The following TMTC1 variants were observed in gnomAD, a reference collection of about 807,000 sequenced individuals.
TMTC1 encodes transmembrane O-mannosyltransferase targeting cadherins 1.
In TMTC1, 73 loss-of-function variants were observed where a neutral mutation model predicts 104.8. The ratio of observed to expected loss-of-function variants is 0.70; its 90% CI spans 0.58 to 0.85. TMTC1 has a LOEUF of 0.85. Among genes scored for constraint, TMTC1 ranks in the 40% least tolerant of loss-of-function variants. The pLI is 0.00. For missense variants in TMTC1, 1,035 were observed against 1,096.1 expected, an observed-to-expected ratio of 0.94 and a Z score of 0.79; for synonymous variants, 434 against 428.7, an observed-to-expected ratio of 1.01 and a Z score of -0.15.
chr12:29,541,436 A>G (rs761782886), intron 10 of TMTC1, among the ~76,000 whole-genome samples: 1 of 152,162 alleles, frequency 6.6e-6, no homozygotes, highest in African/African-American at 2.4e-5. Flanking sequence ...GGTACTGTCT[A>G]TGTTTTGGCT....
At chr12:29,660,759 T>C (rs1007184942) in intron 5 of TMTC1, 19 of 731,876 alleles carry the variant, frequency 2.6e-5, no homozygotes, top group Non-Finnish European at 3.5e-5. Flanking sequence ...AAACATTCCT[T>C]ATCAGATATT....
In TMTC1 at chr12:29,644,082, TAAATATAAATATAAATATATAA is replaced by T. The variant is rs2136565527; in HGVS notation, c.939-10768_939-10747del. Among the ~76,000 whole-genome samples the T allele has an allele frequency of 5.0e-5, 2 of 39,784 alleles. 1 individual carries two copies. The highest frequency in any genetic ancestry group is 1.7e-3 in the South Asian group (2 of 1,202). 26.1% of individuals were successfully genotyped at this position (39,784 alleles called of 152,430 possible). A position where few individuals can be genotyped will look rare whatever the true frequency, so the allele number is the denominator to read the frequency against. On this transcript the variant is annotated intron_variant, in intron 5 of 17. Transcript: ENST00000539277. ...TAAATATATAATTTATAGATAAATA[TAAATATAAATATAAATATATAA>T]ATATATATGTGTGTGTGTGTGTGTG...
chr12:29,584,889 A>G lies in TMTC1; in HGVS notation c.1251-1315T>C, dbSNP rs1310448094. Among the ~76,000 whole-genome samples, 17 of 149,428 alleles carry G rather than the reference A, an allele frequency of 1.1e-4. No individual in the cohort carries two copies. The South Asian group carries it at 1.9e-3, about 17-fold the overall frequency. On this transcript the variant is annotated intron_variant, in intron 7 of 17. Transcript: ENST00000539277. ...AGTCTTTGCTATTGTGAATAGTGCC[A>G]CAATAAACATACGTGTGCATGTGTC...
chr12:29,717,639 A>G (rs1055341213), intron 5 of TMTC1, among the ~76,000 whole-genome samples: 2 of 152,220 alleles, frequency 1.3e-5, no homozygotes, highest in Non-Finnish European at 2.9e-5. Flanking sequence ...AAGGGTTTGA[A>G]GAGAGTTAGC....
intron 1 of TMTC1, among the ~76,000 whole-genome samples, chr12:29,774,280 C>T (rs923518726): frequency 6.6e-6 from 1 of 152,056 alleles, no homozygotes; most frequent in Non-Finnish European, 1.5e-5. Context: ...GCCCAGAGAT[C>T]GGCCCCCAAG....
Position 29,536,228 on chromosome 12 carries a change from G to C in TMTC1, c.1766C>G (p.Ala589Gly). ...AATTACCTGCTCAGCCAATAACGAAGCTAAGCTTGAATATGCATCTGCAAA... is the reference window on the plus strand; with the variant it reads ...AATTACCTGCTCAGCCAATAACGAACCTAAGCTTGAATATGCATCTGCAAA... ...PEFADAYSSL[A>G]SLLAEQERFK... The change falls in exon 11 of 18, where the codon GCT becomes GGT. Residue 589 changes from alanine to glycine, a missense_variant. Ala to Gly is a moderately conservative substitution (Grantham distance 60). Transcript: ENST00000539277. The C allele has an allele frequency of 1.2e-6, 2 of 1,610,826 alleles. No homozygotes were observed. Among genetic ancestry groups the C allele is most frequent in the Non-Finnish European group, 1.7e-6 (2 of 1,177,560 alleles).
At chr12:29,760,729 T>A (rs961544278) in intron 2 of TMTC1, among the ~76,000 whole-genome samples, 1 of 151,670 alleles carries the variant, frequency 6.6e-6, no homozygotes, top group Non-Finnish European at 1.5e-5. Context: ...TATATTACGC[T>A]AACAAATTAT....
At chr12:29,638,175 A>C (rs1036743246) in intron 5 of TMTC1, among the ~76,000 whole-genome samples, 1 of 151,922 alleles carries the variant, frequency 6.6e-6, no homozygotes, top group Non-Finnish European at 1.5e-5. Flanking sequence ...CAAATGTTGC[A>C]TTTTCCAAAA....
chr12:29,709,815 C>T (rs1436690909), intron 5 of TMTC1, among the ~76,000 whole-genome samples: 7 of 152,138 alleles, frequency 4.6e-5, no homozygotes, highest in South Asian at 2.1e-4. Context: ...TTTAATAATT[C>T]GTCTTACTCT....
intron 6 of TMTC1, among the ~76,000 whole-genome samples, chr12:29,627,108 A>G (rs1233013885): frequency 6.6e-6 from 1 of 152,178 alleles, no homozygotes; most frequent in Non-Finnish European, 1.5e-5. Flanking sequence ...TCTCAAAAAA[A>G]ATAAAAAATA....
intron 5 of TMTC1, among the ~76,000 whole-genome samples, chr12:29,696,471 T>A (rs1941427404): frequency 6.6e-6 from 1 of 152,208 alleles, no homozygotes; most frequent in Non-Finnish European, 1.5e-5. Context: ...TAAGACACTG[T>A]CACTCATTTT....
At chr12:29,695,646 G>A (rs916279020) in intron 5 of TMTC1, among the ~76,000 whole-genome samples, 9 of 151,718 alleles carry the variant, frequency 5.9e-5, no homozygotes, top group Non-Finnish European at 1.0e-4. Flanking sequence ...ATCTTTTGGG[G>A]AGCCACTACT....
chr12:29,597,576 G>C lies in TMTC1; in HGVS notation c.1250+6602C>G, dbSNP rs1407092949. On this transcript the variant is annotated intron_variant, in intron 7 of 17. Transcript: ENST00000539277. ...GGGCACACATCTTCCCTTCTCCACTGGCCCATCCTACTGAATCTGACCAGA... is the reference window on the plus strand; with the variant it reads ...GGGCACACATCTTCCCTTCTCCACTCGCCCATCCTACTGAATCTGACCAGA... 2.7e-5 allele frequency among the ~76,000 whole-genome samples: 4 copies of C among 150,830 alleles called. No individual in the cohort carries two copies. In the East Asian group the frequency reaches 7.8e-4, roughly 29 times the overall value.
intron 7 of TMTC1, among the ~76,000 whole-genome samples, chr12:29,597,236 T>C (rs1946431557): frequency 7.1e-6 from 1 of 140,556 alleles, no homozygotes; most frequent in Non-Finnish European, 1.5e-5. Context: ...TTTCTTTCTT[T>C]TCTTTCTTTT....
At position 29,783,635 on chromosome 12, in the gene TMTC1, C is replaced by T. The variant is rs1943889868; in HGVS notation, c.117G>A (p.Leu39=). 1 of 1,446,214 alleles carries T rather than the reference C, an allele frequency of 6.9e-7. No individual in the cohort carries two copies. Among genetic ancestry groups the T allele is most frequent in the Admixed American group, 2.4e-5 (1 of 41,484 alleles). The allele number at this position is 1,446,214 out of a possible 1,614,324, so 89.6% of individuals were successfully genotyped here. ...CGCCCTGCAGGGAGCGGCCGTAGCA[C>T]AGGCAGCTTGCCCCGGCCAGCAGCG... ...AAALLAGASC[L]CYGRSLQGEF... is the part of the protein sequence containing the mutation. Residue 39 remains leucine, a synonymous_variant, in exon 1 of 18, where the codon CTG becomes CTA. Transcript: ENST00000539277. The surrounding 1 kb of genome is among the most constrained non-coding windows in gnomAD (Gnocchi z 4.7).
At chr12:29,721,871 T>C (rs1261144394) in intron 5 of TMTC1, among the ~76,000 whole-genome samples, 1 of 151,952 alleles carries the variant, frequency 6.6e-6, no homozygotes, top group African/African-American at 2.4e-5. Context: ...TAAATAATGA[T>C]AAGCTTATTT....
At chr12:29,607,897 G>A (rs7134157) in intron 6 of TMTC1, among the ~76,000 whole-genome samples, 2,314 of 152,206 alleles carry the variant, frequency 0.015, 49 homozygotes, top group African/African-American at 0.052. Flanking sequence ...CACACAGCCC[G>A]CCACCCTACA....
intron 7 of TMTC1, among the ~76,000 whole-genome samples, chr12:29,599,985 T>G (rs1592298162): frequency 2.3e-5 from 3 of 127,716 alleles, no homozygotes; most frequent in East Asian, 2.2e-4. Flanking sequence ...TGTGTGTGTG[T>G]GTATATACAT....
chr12:29,722,050 A>C (rs1250247204), intron 5 of TMTC1, among the ~76,000 whole-genome samples: 1 of 152,288 alleles, frequency 6.6e-6, no homozygotes, highest in East Asian at 1.9e-4. Context: ...ATATCACGTC[A>C]TGTAGCTTCT....
Sources: gnomAD v4.1 joint callset for allele counts (sites outside exome capture counted in the v4.1 genomes callset) on GRCh38, gnomAD v4.1.1 for gene constraint, Gnocchi (gnomAD v3.1) non-coding constraint, MANE v1.5 for transcripts, NCBI Gene and HGNC (gene_info 2026-07-23, HGNC 2026-07-21) for gene names.